Variants in TTC21B observed in about 807,000 individuals in gnomAD.
TTC21B encodes tetratricopeptide repeat domain 21B, also known as tetratricopeptide repeat protein 21B.
TTC21B carries 127 observed loss-of-function variants against 175.1 expected under a neutral mutation model. The ratio of observed to expected loss-of-function variants is 0.73; its 90% CI spans 0.63 to 0.84. The LOEUF (loss-of-function observed/expected upper bound fraction) is 0.84, where lower values mean the gene tolerates loss of function less well. Among genes scored for constraint, TTC21B ranks in the 40% least tolerant of loss-of-function variants. The pLI is 0.00. For synonymous variants in TTC21B, 524 were observed against 524.5 expected (o/e 1.00, Z 0.01); for missense variants, 1,561 against 1,558.3 (o/e 1.00, Z -0.03).
chr2:165,943,144 C>T (rs1273493521), intron 5 of TTC21B, 75 bp downstream of exon 5: 12 of 1,502,378 alleles, frequency 8.0e-6, no homozygotes, highest in South Asian at 4.5e-5. Flanking sequence ...TTTTGAGCTA[C>T]TTGGTTTTGT....
Position 165,890,893 on chromosome 2 carries a change from T to C in TTC21B, c.3046A>G (p.Asn1016Asp). 6.2e-7 allele frequency: 1 copy of C among 1,613,532 alleles called. No individual in the cohort carries two copies. The highest frequency in any genetic ancestry group is 8.5e-7 in the Non-Finnish European group (1 of 1,179,622). The change falls in exon 23 of 29, where the codon AAC becomes GAC. Residue 1016 changes from asparagine (N) to aspartate (D), a missense_variant. Coordinates refer to ENST00000243344, the MANE Select transcript of TTC21B (RefSeq NM_024753.5). ...CCTGGTTCCAATTTTGCTCTGGAGTTACGTTTCTCAGCCATTGAGAAAAAT... is the reference window on the plus strand; with the variant it reads ...CCTGGTTCCAATTTTGCTCTGGAGTCACGTTTCTCAGCCATTGAGAAAAAT... ...PRFFSMAEKR[N>D]SRAKLEPGFQ...
chr2:165,943,406 G>A, intron 4 of TTC21B, 65 bp from the exon 5 acceptor site: 2 of 1,270,920 alleles, frequency 1.6e-6, no homozygotes, highest in Non-Finnish European at 2.2e-6. Context: ...TAATGAAAGA[G>A]CCTAATGTCA....
chr2:165,922,551 C>T (rs1686450763), intron 12 of TTC21B, among the ~76,000 whole-genome samples: 1 of 135,836 alleles, frequency 7.4e-6, no homozygotes, highest in Admixed American at 7.9e-5. Flanking sequence ...GCCGGAATAG[C>T]CACTATTAAA....
rs779921728 is a variant in TTC21B at position 165,931,893 on chromosome 2, C to G, written c.796-37G>C. On this transcript the variant is annotated intron_variant, in intron 7 of 28. Transcript: ENST00000243344. ...GGAACTGGTATTAACTTAAAATATA[C>G]TAAGTAAAAACAACATAATACATGC... 4.9e-6 allele frequency: 7 copies of G among 1,417,056 alleles called. No homozygotes were observed. In the Admixed American group the frequency reaches 1.0e-4, roughly 21 times the overall value. 87.8% of individuals were successfully genotyped at this position (1,417,056 alleles called of 1,614,324 possible).
At chr2:165,918,961 C>T (rs975415684) in intron 13 of TTC21B, among the ~76,000 whole-genome samples, 1 of 151,738 alleles carries the variant, frequency 6.6e-6, no homozygotes, top group African/African-American at 2.4e-5. Flanking sequence ...TTTTATATAC[C>T]TTCATTATTG....
intron 22 of TTC21B, among the ~76,000 whole-genome samples, chr2:165,892,087 A>G (rs1016452285): frequency 2.6e-5 from 4 of 152,122 alleles, no homozygotes; most frequent in Non-Finnish European, 5.9e-5. Context: ...TAATGGTTGC[A>G]TAAGGGCCTA....
At position 165,901,782 on chromosome 2, in the gene TTC21B, G is replaced by T; in HGVS notation, c.2697C>A (p.Asp899Glu). 2 of 1,614,050 alleles carry T rather than the reference G, an allele frequency of 1.2e-6. No homozygotes were observed. Among genetic ancestry groups the T allele is most frequent in the South Asian group, 2.2e-5 (2 of 91,086 alleles). The change falls in exon 20 of 29, where the codon GAC (aspartate) becomes GAA (glutamate). Residue 899 changes from aspartate (D) to glutamate (E), a missense_variant. Coordinates refer to ENST00000243344, the MANE Select transcript of TTC21B (RefSeq NM_024753.5). ...TATAAAACTTAATTGCTTTTTCATA[G>T]TCTCGCTGAGCAACAGAATGTTTTG... ...EIAKHSVAQR[D>E]YEKAIKFYRE... is the part of the protein sequence containing the mutation.
At chr2:165,946,344 T>TA (rs911086449) in intron 3 of TTC21B, among the ~76,000 whole-genome samples, 14 of 146,028 alleles carry the variant, frequency 9.6e-5, no homozygotes, top group East Asian at 2.0e-4. Flanking sequence ...GACTCAAAAA[T>TA]AAAAAAAAAA....
At chr2:165,913,967 T>A (rs1686051627) in intron 15 of TTC21B, among the ~76,000 whole-genome samples, 3 of 152,100 alleles carry the variant, frequency 2.0e-5, no homozygotes, top group Admixed American at 6.6e-5. Context: ...GATGTGGGAG[T>A]GAAGGTACCA....
In TTC21B at chr2:165,938,576, A is replaced by G. The variant is rs1383669453; in HGVS notation, c.710+2451T>C. Among the ~76,000 whole-genome samples, 4 of 152,204 alleles carry G rather than the reference A, an allele frequency of 2.6e-5. No homozygotes were observed. In the South Asian group the frequency reaches 6.2e-4, roughly 24 times the overall value. On this transcript the variant is annotated intron_variant, in intron 6 of 28. Transcript: ENST00000243344. Reference sequence around the variant, plus strand: ...CAACTTACAGGAAATACAGAGGATAAAGCAACAAGTTGTACTACACCATGG... The same window carrying G: ...CAACTTACAGGAAATACAGAGGATAGAGCAACAAGTTGTACTACACCATGG...
At chr2:165,908,829 T>G (rs1685833213) in intron 18 of TTC21B, among the ~76,000 whole-genome samples, 1 of 152,122 alleles carries the variant, frequency 6.6e-6, no homozygotes, top group African/African-American at 2.4e-5. Context: ...CTTTTCAAAA[T>G]GTATATCCAC....
chr2:165,896,453 A>G (rs1175805781), intron 22 of TTC21B, among the ~76,000 whole-genome samples: 2 of 152,180 alleles, frequency 1.3e-5, no homozygotes, highest in Non-Finnish European at 2.9e-5. Context: ...CTTCCATTCT[A>G]TGATTTGTAG....
intron 25 of TTC21B, among the ~76,000 whole-genome samples, chr2:165,884,424 T>A (rs1008880559): frequency 6.6e-6 from 1 of 152,244 alleles, no homozygotes; most frequent in Non-Finnish European, 1.5e-5. Flanking sequence ...CTTAGTTCTT[T>A]CACCTGTCAA....
At chr2:165,949,154 A>T in intron 3 of TTC21B, 1 of 500,872 alleles carries the variant, frequency 2.0e-6, no homozygotes, top group South Asian at 2.5e-5. Flanking sequence ...TATCTAAAAA[A>T]ATCCCTATGT....
In TTC21B at chr2:165,890,519, C is replaced by G. The variant is rs34925776; in HGVS notation, c.3223G>C (p.Val1075Leu). 566 of 1,613,598 alleles carry G rather than the reference C, an allele frequency of 3.5e-4. No homozygotes were observed. Among genetic ancestry groups the G allele is most frequent in the Non-Finnish European group, 4.1e-4 (478 of 1,179,674 alleles). ...AGGTTTTCAAATACTTCACCTCCAA[C>G]AGTTTCATTATCTGGATTCAAACAG... ...EICLNPDNET[V>L]GGEVFENLDG... The change falls in exon 24 of 29, where the codon GTT becomes CTT. Residue 1075 changes from valine (V) to leucine (L), a missense_variant. Val to Leu is a conservative substitution (Grantham distance 32). Coordinates refer to ENST00000243344, the MANE Select transcript of TTC21B (RefSeq NM_024753.5).
At chr2:165,899,338 TA>T (rs1203650870) in intron 21 of TTC21B, among the ~76,000 whole-genome samples, 1 of 152,052 alleles carries the variant, frequency 6.6e-6, no homozygotes, top group Non-Finnish European at 1.5e-5. Context: ...TAAGAAAAAA[TA>T]AAAAACTCTA....
chr2:165,917,280 C>T lies in TTC21B; in HGVS notation c.1876G>A (p.Val626Ile), dbSNP rs144411419. 2.2e-5 allele frequency: 35 copies of T among 1,614,032 alleles called. No individual in the cohort carries two copies. Among genetic ancestry groups the T allele is most frequent in the Non-Finnish European group, 2.8e-5 (33 of 1,180,004 alleles). The change falls in exon 14 of 29, where the codon GTT (valine) becomes ATT (isoleucine). Residue 626 changes from valine (V) to isoleucine (I), a missense_variant. Coordinates refer to ENST00000243344, the MANE Select transcript of TTC21B (RefSeq NM_024753.5). The part of the protein sequence containing the change: ...RLSIFLELID[V>I]HRLNGEQHEA... ...ACCTGCTCTCCATTTAAGCGGTGAA[C>T]GTCTATCAATTCAAGAAAGATCGAT...
chr2:165,883,228 C>G lies in TTC21B; in HGVS notation c.3684+566G>C, dbSNP rs115620755. On this transcript the variant is annotated intron_variant, in intron 26 of 28. Transcript: ENST00000243344. ...CTTTAAAGAACTGTTATAATGACAT[C>G]TTTTGTAATTAAACATCAAAATGTT... Among the ~76,000 whole-genome samples the G allele has an allele frequency of 8.8e-4, 134 of 152,156 alleles. 1 individual carries two copies. The highest frequency in any genetic ancestry group is 3.4e-3 in the Middle Eastern group (1 of 294).
rs1382694785 is a variant in TTC21B, at chr2:165,907,735, TAGA to T, written c.2508_2510del (p.Leu837del). 19 of 1,613,374 alleles carry T rather than the reference TAGA, an allele frequency of 1.2e-5. No homozygotes were observed. The highest frequency in any genetic ancestry group is 1.4e-5 in the Non-Finnish European group (17 of 1,179,732). On this transcript the variant is annotated inframe_deletion, in exon 19 of 29. Coordinates refer to ENST00000243344, the MANE Select transcript of TTC21B (RefSeq NM_024753.5). ...TTTCCATTTTACTATAAACTTTTGC[TAGA>T]AGAACTTGACAACGTCCATCCTCCA... is the stretch of plus-strand genomic sequence containing the variant.
Sources: gnomAD v4.1 joint callset for allele counts (sites outside exome capture counted in the v4.1 genomes callset) on GRCh38, gnomAD v4.1.1 for gene constraint, MANE v1.5 for transcripts, NCBI Gene and HGNC (gene_info 2026-07-23, HGNC 2026-07-21) for gene names.